Variants in NCOA2 observed in about 807,000 individuals in gnomAD.
NCOA2 encodes the protein class E basic helix-loop-helix protein 75.
NCOA2 carries 21 observed loss-of-function variants against 145.1 expected under a neutral mutation model. The ratio of observed to expected loss-of-function variants is 0.14; its 90% CI spans 0.10 to 0.21. The LOEUF is 0.21. NCOA2 is among the 10% of genes least tolerant of loss of function. The pLI is 1.00. For synonymous variants in NCOA2, 619 were observed against 637.5 expected, an observed-to-expected ratio of 0.97 and a Z score of 0.44; for missense variants, 1,472 against 1,837.6, an observed-to-expected ratio of 0.80 and a Z score of 3.64.
At chr8:70,114,530 T>C (rs536978379) in intron 22 of NCOA2, among the ~76,000 whole-genome samples, 1 of 152,376 alleles carries the variant, frequency 6.6e-6, no homozygotes, top group Non-Finnish European at 1.5e-5. Flanking sequence ...ATCTATTACA[T>C]GCTAGGTGCT....
chr8:70,246,453 C>G (rs891836366), intron 2 of NCOA2, among the ~76,000 whole-genome samples: 1 of 152,114 alleles, frequency 6.6e-6, no homozygotes, highest in African/African-American at 2.4e-5. Flanking sequence ...TTCTGTTAAT[C>G]TGAAGTCAAC....
intron 2 of NCOA2, among the ~76,000 whole-genome samples, chr8:70,244,615 GAA>G (rs1160286293): frequency 2.0e-5 from 3 of 151,954 alleles, no homozygotes. Context: ...CTTGAAATTA[GAA>G]AAGGATAAAA....
chr8:70,316,630 C>T (rs563409202), intron 1 of NCOA2, among the ~76,000 whole-genome samples: 10 of 152,248 alleles, frequency 6.6e-5, no homozygotes, highest in African/African-American at 1.9e-4. Flanking sequence ...CATAACCAAA[C>T]GGAAACTTCA....
chr8:70,226,782 G>A (rs1820692785), intron 2 of NCOA2, among the ~76,000 whole-genome samples: 1 of 151,692 alleles, frequency 6.6e-6, no homozygotes, highest in Non-Finnish European at 1.5e-5. Context: ...CATATCATAT[G>A]TTCTTTAACT....
chr8:70,299,995 A>T (rs1300752349), intron 1 of NCOA2, among the ~76,000 whole-genome samples: 2 of 152,216 alleles, frequency 1.3e-5, no homozygotes, highest in African/African-American at 2.4e-5. Context: ...AACCTCAAAA[A>T]CATTATGCTA....
chr8:70,442,140 A>AAAGAAAGAAAGAAAGAAAGAAAGAAAGG, the NCOA2 span, among the ~76,000 whole-genome samples: 111 of 125,258 alleles, frequency 8.9e-4, 2 homozygotes, highest in African/African-American at 4.2e-3. Context: ...AGAAAGAAAG[A>AAAGAAAGAAAGAAAGAAAGAAAGAAAGG]AAGAAAGAAA....
At chr8:70,272,591 A>G (rs906025279) in intron 2 of NCOA2, among the ~76,000 whole-genome samples, 3 of 152,178 alleles carry the variant, frequency 2.0e-5, no homozygotes, top group Admixed American at 2.0e-4. Flanking sequence ...ATCTGTCACA[A>G]AAGTCAGATT....
intron 1 of NCOA2, among the ~76,000 whole-genome samples, chr8:70,381,412 C>T (rs1298657924): frequency 1.3e-5 from 2 of 152,142 alleles, no homozygotes; most frequent in South Asian, 2.1e-4. Context: ...TCAAATGGCT[C>T]GTTTGTTAAA....
At chr8:70,136,166 G>A (rs895363135) in intron 15 of NCOA2, among the ~76,000 whole-genome samples, 2 of 152,120 alleles carry the variant, frequency 1.3e-5, no homozygotes, top group African/African-American at 2.4e-5. Flanking sequence ...CTGAGGTCAG[G>A]AGTTCGAGAC....
intron 2 of NCOA2, among the ~76,000 whole-genome samples, chr8:70,246,223 A>T (rs1198481887): frequency 6.6e-6 from 1 of 152,132 alleles, no homozygotes; most frequent in Non-Finnish European, 1.5e-5. Flanking sequence ...ATCAAAAGAA[A>T]GCAGCTGATC....
chr8:70,181,240 C>A lies in NCOA2; in HGVS notation c.260-6381G>T, dbSNP rs573069965. Among the ~76,000 whole-genome samples, 62 of 152,298 alleles carry A rather than the reference C, an allele frequency of 4.1e-4. 1 individual carries two copies. Among genetic ancestry groups the A allele is most frequent in the African/African-American group, 1.4e-3 (60 of 41,560 alleles). On this transcript the variant is annotated intron_variant, in intron 4 of 22. Coordinates refer to ENST00000452400, the MANE Select transcript of NCOA2 (RefSeq NM_006540.4). Reference sequence around the variant, plus strand: ...TAACTCCAGCAGCAGCAGTGGCAACCACTACTGATTACTTAGAAACCTAAA... The same window carrying A: ...TAACTCCAGCAGCAGCAGTGGCAACAACTACTGATTACTTAGAAACCTAAA...
chr8:70,262,402 A>G (rs1030990120), intron 2 of NCOA2, among the ~76,000 whole-genome samples: 2 of 152,240 alleles, frequency 1.3e-5, no homozygotes, highest in Non-Finnish European at 2.9e-5. Context: ...GAGTTACCAT[A>G]TGGATTTTTA....
chr8:70,135,592 A>G (rs1809639244), intron 15 of NCOA2, among the ~76,000 whole-genome samples: 2 of 152,196 alleles, frequency 1.3e-5, no homozygotes, highest in South Asian at 4.1e-4. Context: ...TGCTTACAGA[A>G]AAAACACTGA....
At chr8:70,150,407 G>A (rs1028043094) in intron 11 of NCOA2, among the ~76,000 whole-genome samples, 2 of 152,180 alleles carry the variant, frequency 1.3e-5, no homozygotes, top group African/African-American at 2.4e-5. Flanking sequence ...TTCTTTGGCT[G>A]AGTCCTAAGT....
intron 2 of NCOA2, among the ~76,000 whole-genome samples, chr8:70,261,802 G>A (rs1426695317): frequency 2.0e-5 from 3 of 151,894 alleles, no homozygotes; most frequent in Non-Finnish European, 1.5e-5. Context: ...ATAAAACAGC[G>A]TATTACATAA....
chr8:70,424,796 A>G, the NCOA2 span, among the ~76,000 whole-genome samples: 1 of 152,260 alleles, frequency 6.6e-6, no homozygotes, highest in Admixed American at 6.5e-5. Flanking sequence ...TGTGAATTTC[A>G]TGTAATATTC....
chr8:70,331,254 T>C (rs1462216480), intron 1 of NCOA2, among the ~76,000 whole-genome samples: 1 of 151,672 alleles, frequency 6.6e-6, no homozygotes, highest in East Asian at 1.9e-4. Flanking sequence ...CATAAAGCTT[T>C]CTTACTAAAA....
chr8:70,343,794 A>T (rs565157723), intron 1 of NCOA2, among the ~76,000 whole-genome samples: 1 of 151,428 alleles, frequency 6.6e-6, no homozygotes, highest in Non-Finnish European at 1.5e-5. Flanking sequence ...CTGGGTGATG[A>T]AGCAAGACCC....
intron 2 of NCOA2, among the ~76,000 whole-genome samples, chr8:70,225,277 G>A (rs972478729): frequency 2.0e-5 from 3 of 152,138 alleles, no homozygotes; most frequent in Non-Finnish European, 2.9e-5. Context: ...AGGGCCAGGC[G>A]CAGTGGCTCA....
Sources: gnomAD v4.1 joint callset for allele counts (sites outside exome capture counted in the v4.1 genomes callset) on GRCh38, gnomAD v4.1.1 for gene constraint, MANE v1.5 for transcripts, NCBI Gene and HGNC (gene_info 2026-07-23, HGNC 2026-07-21) for gene names.